The following ARID2 variants were observed in gnomAD, a reference collection of about 807,000 sequenced individuals.
ARID2 encodes AT-rich interactive domain-containing protein 2.
Under a neutral mutation model 184.6 loss-of-function variants are expected in ARID2, and 32 were observed. The ratio of observed to expected loss-of-function variants is 0.17; its 90% CI spans 0.13 to 0.23. The LOEUF (loss-of-function observed/expected upper bound fraction) is 0.23. Ranked by LOEUF, ARID2 falls within the 10% of genes least tolerant of loss-of-function variation. The pLI, the probability that ARID2 is intolerant of heterozygous loss-of-function variation, is 1.00. For synonymous variants in ARID2, 836 were observed against 772.6 expected (o/e 1.08, Z -1.36); for missense variants, 1,696 against 2,197.6 (o/e 0.77, Z 4.56).
Position 45,856,049 on chromosome 12 carries a change from C to G in ARID2, c.4773+3153C>G, listed in dbSNP as rs549750985. On this transcript the variant is annotated intron_variant, in intron 15 of 20. Transcript: ENST00000334344. ...CCTGGCTTAAATTTCTTTATGTACT[C>G]TTTTTCTTTCTTCTTTTCTTTTTTT... Among the ~76,000 whole-genome samples the G allele has an allele frequency of 2.4e-5, 3 of 123,434 alleles. No homozygotes were observed. In the East Asian group the frequency reaches 6.9e-4, roughly 29 times the overall value. The allele number at this position is 123,434 out of a possible 152,430, so 81.0% of individuals were successfully genotyped here.
chr12:45,863,465 A>G (rs1044149047), intron 16 of ARID2, among the ~76,000 whole-genome samples: 1 of 152,180 alleles, frequency 6.6e-6, no homozygotes, highest in South Asian at 2.1e-4. Context: ...TTGAGCCTGT[A>G]ATGCCAGCTA....
rs2138136857 is a variant in ARID2 at position 45,839,382 on chromosome 12, C to T, written c.1384C>T (p.Leu462=). ...TATTCAGATGTTTGGCCCTGATGCA[C>T]TAGCTGCGGTAAAACTCATTGAACA... is the stretch of plus-strand genomic sequence containing the variant. ...MDIQMFGPDA[L]AAVKLIEHPS... is the part of the protein sequence containing the mutation. Residue 462 remains leucine (L), a synonymous_variant, in exon 11 of 21, where the codon CTA becomes TTA. Transcript: ENST00000334344. The T allele has an allele frequency of 1.2e-6, 2 of 1,613,980 alleles. No individual in the cohort carries two copies. The highest frequency in any genetic ancestry group is 1.7e-6 in the Non-Finnish European group (2 of 1,179,970).
At chr12:45,886,585 C>G (rs958123838) in intron 16 of ARID2, among the ~76,000 whole-genome samples, 2 of 152,354 alleles carry the variant, frequency 1.3e-5, no homozygotes, top group South Asian at 4.1e-4. Context: ...GGTTCTGCCC[C>G]TGCAGCAAAC....
chr12:45,864,522 G>T (rs1369625628), intron 16 of ARID2, among the ~76,000 whole-genome samples: 1 of 136,052 alleles, frequency 7.4e-6, no homozygotes, highest in Non-Finnish European at 1.6e-5. Context: ...AGTTTTTGTT[G>T]AAAAAAAAAA....
chr12:45,735,295 A>G (rs372986339), intron 3 of ARID2, among the ~76,000 whole-genome samples: 1 of 152,174 alleles, frequency 6.6e-6, no homozygotes, highest in Non-Finnish European at 1.5e-5. Flanking sequence ...GCTAAACGGA[A>G]CTGAATAAAC....
chr12:45,811,589 A>G (rs1942709881), intron 4 of ARID2, 38 bp downstream of exon 4: 1 of 1,599,712 alleles, frequency 6.3e-7, no homozygotes, highest in South Asian at 1.1e-5. Flanking sequence ...ATATGTCCGC[A>G]GTTTTGAATT....
chr12:45,818,223 T>C (rs555763566), intron 5 of ARID2, among the ~76,000 whole-genome samples: 2 of 152,188 alleles, frequency 1.3e-5, no homozygotes, highest in South Asian at 4.1e-4. Context: ...TTACTGCTAA[T>C]GTGTGGCTAT....
At chr12:45,799,407 T>C (rs1302624521) in intron 3 of ARID2, among the ~76,000 whole-genome samples, 1 of 152,232 alleles carries the variant, frequency 6.6e-6, no homozygotes, top group East Asian at 1.9e-4. Context: ...GTACACTTAA[T>C]AAATCATGAT....
In ARID2 at chr12:45,851,973, A is replaced by G. The variant is rs2138175037; in HGVS notation, c.3850A>G (p.Lys1284Glu). The G allele has an allele frequency of 6.2e-7, 1 of 1,614,056 alleles. No individual in the cohort carries two copies. Among genetic ancestry groups the G allele is most frequent in the South Asian group, 1.1e-5 (1 of 91,058 alleles). ...CACAAACACCAGCAATGGGGATACA[A>G]AGGAAAATGAAATGCATGTGGGAAG... is the stretch of plus-strand genomic sequence containing the variant. ...GATNTSNGDT[K>E]ENEMHVGSLL... Residue 1284 changes from lysine (K) to glutamate (E), a missense_variant, in exon 15 of 21, where the codon AAG (lysine) becomes GAG (glutamate). Physicochemically the swap from Lys to Glu is moderately conservative, Grantham distance 56. Around this residue, in one of 11 missense-constraint regions of ARID2, gnomAD observed 428 missense variants for 409.1 expected, o/e 1.05. Transcript: ENST00000334344.
rs74721847 is a variant in ARID2 at position 45,854,383 on chromosome 12, G to A, written c.4773+1487G>A. ...ATTGTCCTCCATGAAACCGGTCCCT[G>A]GTGCCAAAAAGATTGGAGACTTCTG... is the stretch of plus-strand genomic sequence containing the variant. On this transcript the variant is annotated intron_variant, in intron 15 of 20. Coordinates refer to ENST00000334344, the MANE Select transcript of ARID2 (RefSeq NM_152641.4). Among the ~76,000 whole-genome samples the A allele has an allele frequency of 1.2e-4, 18 of 152,188 alleles. No individual in the cohort carries two copies. The East Asian group carries it at 3.5e-3, about 29-fold the overall frequency.
intron 1 of ARID2, 23 bp downstream of exon 1, chr12:45,729,951 AGCGCCGGGGC>A (rs1035794758): frequency 6.9e-6 from 11 of 1,603,994 alleles, no homozygotes; most frequent in Non-Finnish European, 9.4e-6. Context: ...CCGGGGGGGC[AGCGCCGGGGC>A]GAGCCGGGGC....
intron 16 of ARID2, chr12:45,873,962 A>G (rs898479689): frequency 1.3e-5 from 2 of 152,216 alleles, no homozygotes; most frequent in African/African-American, 4.8e-5. Context: ...TTCCTTTCAC[A>G]AAAGATTTTG....
intron 20 of ARID2, among the ~76,000 whole-genome samples, chr12:45,897,927 CTT>C (rs1944390962): frequency 6.6e-6 from 1 of 151,832 alleles, no homozygotes; most frequent in East Asian, 1.9e-4. Flanking sequence ...TCACTGCAGT[CTT>C]GACCTCTCCA....
intron 20 of ARID2, among the ~76,000 whole-genome samples, chr12:45,898,037 A>G (rs901310740): frequency 5.9e-5 from 9 of 152,148 alleles, no homozygotes; most frequent in Admixed American, 2.0e-4. Context: ...GGCTCAAGCA[A>G]TCCACCTGCC....
intron 3 of ARID2, among the ~76,000 whole-genome samples, chr12:45,798,569 G>A (rs1370258676): frequency 6.6e-6 from 1 of 152,058 alleles, no homozygotes; most frequent in African/African-American, 2.4e-5. Context: ...AAGCTTTTAG[G>A]ATTTATAGTT....
intron 3 of ARID2, among the ~76,000 whole-genome samples, chr12:45,754,837 A>C (rs1182872167): frequency 1.3e-5 from 2 of 152,212 alleles, no homozygotes; most frequent in Admixed American, 6.5e-5. Context: ...GGAGTTACCT[A>C]ATGTGTGGCT....
At chr12:45,863,272 T>G (rs1484265678) in intron 16 of ARID2, among the ~76,000 whole-genome samples, 1 of 152,188 alleles carries the variant, frequency 6.6e-6, no homozygotes, top group African/African-American at 2.4e-5. Flanking sequence ...TCCAGGAAAC[T>G]GTGAGAAGTT....
At chr12:45,829,773 CCTTTT>C (rs1447351865) in intron 6 of ARID2, among the ~76,000 whole-genome samples, 2 of 140,450 alleles carry the variant, frequency 1.4e-5, no homozygotes, top group Admixed American at 7.1e-5. Flanking sequence ...TTGTTTTCTG[CCTTTT>C]CTTCTAGGTT....
chr12:45,807,128 T>C (rs909552911), intron 3 of ARID2, among the ~76,000 whole-genome samples: 3 of 152,140 alleles, frequency 2.0e-5, no homozygotes. Context: ...TGTGAATCCT[T>C]GAAGTTGCTT....
Sources: gnomAD v4.1 joint callset for allele counts (sites outside exome capture counted in the v4.1 genomes callset) on GRCh38, gnomAD v4.1.1 for gene constraint, gnomAD v4.1.1 regional missense constraint, MANE v1.5 for transcripts, NCBI Gene and HGNC (gene_info 2026-07-23, HGNC 2026-07-21) for gene names.